Variants in RUFY4 observed in about 807,000 individuals in gnomAD.
The protein encoded by RUFY4 is RUN and FYVE domain containing 4, also known as RUN and FYVE domain-containing protein 4.
A neutral mutation model predicts 69.0 loss-of-function variants in RUFY4; 73 were observed. The observed-to-expected ratio is 1.06, with a 90% CI of 0.88 to 1.29. The LOEUF (loss-of-function observed/expected upper bound fraction) is 1.29. Ranked by LOEUF, RUFY4 falls within the 50% of genes most tolerant of loss-of-function variation. The pLI is 0.00. For missense variants in RUFY4, 770 were observed against 705.6 expected, an observed-to-expected ratio of 1.09 and a Z score of -1.03; for synonymous variants, 287 against 271.8, an observed-to-expected ratio of 1.06 and a Z score of -0.55.
At chr2:218,070,023 A>C (rs116824099), upstream of RUFY4, among the ~76,000 whole-genome samples, 492 of 152,058 alleles carry the variant, frequency 3.2e-3, 2 homozygotes, top group African/African-American at 0.011. Flanking sequence ...AAGAACACAT[A>C]TTTTCCATTC....
At chr2:218,088,734 T>TC (rs1251391678) in intron 9 of RUFY4, among the ~76,000 whole-genome samples, 1 of 152,136 alleles carries the variant, frequency 6.6e-6, no homozygotes, top group Non-Finnish European at 1.5e-5. Flanking sequence ...TGCATGTGTC[T>TC]CTCACTGTCT....
chr2:218,068,432 C>T (rs537513444), upstream of RUFY4, among the ~76,000 whole-genome samples: 6 of 152,040 alleles, frequency 3.9e-5, no homozygotes, highest in South Asian at 6.2e-4. Flanking sequence ...GGACATGACA[C>T]GGGAGACAGA....
intron 2 of RUFY4, among the ~76,000 whole-genome samples, chr2:218,038,638 A>G (rs1959015169): frequency 6.6e-6 from 1 of 152,230 alleles, no homozygotes; most frequent in South Asian, 2.1e-4. Context: ...AGCGGCTAGT[A>G]ACAAAAATCT....
intron 1 of RUFY4, chr2:218,035,316 G>C (rs1267714636): frequency 1.3e-5 from 2 of 152,112 alleles, no homozygotes; most frequent in Admixed American, 6.5e-5. Flanking sequence ...ATTTCACACA[G>C]GATCTGGGCT....
intron 3 of RUFY4, chr2:218,060,625 G>A: frequency 7.4e-7 from 1 of 1,354,412 alleles, no homozygotes; most frequent in Non-Finnish European, 1.1e-6. Flanking sequence ...CAGGTTGTAG[G>A]GCAGCCAGCA....
At chr2:218,067,674 T>C (rs1419175773), upstream of RUFY4, among the ~76,000 whole-genome samples, 1 of 152,102 alleles carries the variant, frequency 6.6e-6, no homozygotes, top group Non-Finnish European at 1.5e-5. Flanking sequence ...AACCAGCTCA[T>C]CTGATGCAGA....
intron 3 of RUFY4, chr2:218,060,596 G>A (rs896325613): frequency 3.7e-6 from 5 of 1,342,682 alleles, no homozygotes; most frequent in East Asian, 4.6e-5. Context: ...GTTCCCATGA[G>A]GGTGTCTGCC....
In RUFY4 at chr2:218,088,613, C is replaced by T. The variant is rs374988665; in HGVS notation, c.1503-639C>T. ...TGTCTGGAGCAAGAAACCCCAGGGGCCTCTGTGATCAGGGAACACTCCTTT... is the reference window on the plus strand; with the variant it reads ...TGTCTGGAGCAAGAAACCCCAGGGGTCTCTGTGATCAGGGAACACTCCTTT... On this transcript the variant is annotated intron_variant, in intron 9 of 10. Transcript: ENST00000344321. Among the ~76,000 whole-genome samples, 12 of 152,234 alleles carry T rather than the reference C, an allele frequency of 7.9e-5. No homozygotes were observed. The South Asian group carries it at 1.5e-3, about 18-fold the overall frequency.
At chr2:218,040,316 C>A (rs929160454) in intron 2 of RUFY4, among the ~76,000 whole-genome samples, 1 of 152,066 alleles carries the variant, frequency 6.6e-6, no homozygotes, top group Non-Finnish European at 1.5e-5. Context: ...AGGGAGGTGT[C>A]GTCTGACTTG....
At chr2:218,052,745 T>TAA (rs767229733) in intron 2 of RUFY4, among the ~76,000 whole-genome samples, 51 of 144,800 alleles carry the variant, frequency 3.5e-4, no homozygotes, top group South Asian at 1.5e-3. Flanking sequence ...TTTTTTTTTT[T>TAA]AAAAAAAAAA....
chr2:218,061,563 A>C (rs1262571757), intron 3 of RUFY4: 1 of 158,200 alleles, frequency 6.3e-6, no homozygotes, highest in Non-Finnish European at 1.4e-5. Flanking sequence ...TTTCACCTCT[A>C]ATTTGTATAT....
chr2:218,048,080 C>T (rs979177290), intron 2 of RUFY4, among the ~76,000 whole-genome samples: 7 of 152,200 alleles, frequency 4.6e-5, no homozygotes, highest in African/African-American at 1.7e-4. Context: ...CTCCCAGTAA[C>T]AGCGTATAAG....
intron 3 of RUFY4, chr2:218,060,928 T>G (rs772922525): frequency 6.4e-6 from 6 of 937,500 alleles, no homozygotes; most frequent in Non-Finnish European, 8.9e-6. Flanking sequence ...CCCAGACATA[T>G]GAACTTGACC....
At chr2:218,075,817 G>A in intron 7 of RUFY4, 77 bp downstream of exon 9, 1 of 1,299,704 alleles carries the variant, frequency 7.7e-7, no homozygotes, top group South Asian at 2.8e-5. Context: ...TGCAATGGTA[G>A]CCTGGGACCA....
intron 8 of RUFY4, among the ~76,000 whole-genome samples, chr2:218,078,585 G>C (rs1332752307): frequency 6.6e-6 from 1 of 152,202 alleles, no homozygotes; most frequent in African/African-American, 2.4e-5. Flanking sequence ...GCCACTGAGA[G>C]CTCAGAGTAG....
chr2:218,062,255 A>C (rs1215434421), intron 3 of RUFY4, among the ~76,000 whole-genome samples: 1 of 152,006 alleles, frequency 6.6e-6, no homozygotes, highest in African/African-American at 2.4e-5. Flanking sequence ...TTAAAAAAAA[A>C]ATTAGCCGGG....
intron 2 of RUFY4, among the ~76,000 whole-genome samples, chr2:218,036,386 A>C (rs943695751): frequency 4.6e-5 from 7 of 152,200 alleles, no homozygotes; most frequent in Non-Finnish European, 1.0e-4. Flanking sequence ...CTGGGCTCAC[A>C]GTCCAAGTCA....
intron 2 of RUFY4, among the ~76,000 whole-genome samples, chr2:218,036,559 C>T (rs1057039710): frequency 4.6e-5 from 7 of 152,322 alleles, no homozygotes; most frequent in African/African-American, 9.6e-5. Flanking sequence ...GGTGGCCTAA[C>T]GGATCTCTTA....
chr2:218,064,676 G>C (rs1689281119), upstream of RUFY4, among the ~76,000 whole-genome samples: 1 of 152,164 alleles, frequency 6.6e-6, no homozygotes, highest in African/African-American at 2.4e-5. Context: ...AGGAGGGGAA[G>C]AGAGGGTGCT....
Sources: gnomAD v4.1 joint callset for allele counts (sites outside exome capture counted in the v4.1 genomes callset) on GRCh38, gnomAD v4.1.1 for gene constraint, MANE v1.5 for transcripts, NCBI Gene and HGNC (gene_info 2026-07-23, HGNC 2026-07-21) for gene names.